Variants in RPL3L observed in about 807,000 individuals in gnomAD.
RPL3L encodes ribosomal protein L3 like.
A neutral mutation model predicts 44.5 loss-of-function variants in RPL3L; 44 were observed. The observed-to-expected ratio is 0.99, with a 90% confidence interval of 0.78 to 1.27. The LOEUF is 1.27. RPL3L is among the 50% of genes most tolerant of loss of function. RPL3L has a pLI of 0.00. For synonymous variants in RPL3L, 292 were observed against 230.7 expected (o/e 1.27, Z -2.41); for missense variants, 631 against 569.1 (o/e 1.11, Z -1.11).
Position 1,947,062 on chromosome 16 carries a change from C to T in RPL3L, c.725G>A (p.Arg242Gln), listed in dbSNP as rs568874974. 407 of 1,613,514 alleles carry T rather than the reference C, an allele frequency of 2.5e-4. 3 individuals are homozygous for T. Among genetic ancestry groups the T allele is most frequent in the South Asian group, 2.2e-3 (198 of 91,086 alleles). Residue 242 changes from arginine to glutamine, a missense_variant, in exon 6 of 10, where the codon CGG becomes CAG. By Grantham distance (43) the Arg-to-Gln change is conservative. Transcript: ENST00000268661. The part of the protein sequence containing the change: ...TSRWHTKKLP[R>Q]KTHKGLRKVA... ...CTTGCGCAGGCCCTTATGGGTCTTCCGCGGCAGCTTCTTGGTATGCCAGCG... is the reference window on the plus strand; with the variant it reads ...CTTGCGCAGGCCCTTATGGGTCTTCTGCGGCAGCTTCTTGGTATGCCAGCG...
chr16:1,953,139 T>A, intron 2 of RPL3L, 97 bp from the exon 3 acceptor site: 1 of 1,327,084 alleles, frequency 7.5e-7, no homozygotes, highest in Non-Finnish European at 1.0e-6. Context: ...GACAGGAGAG[T>A]GTGGGGCCAG....
In RPL3L at chr16:1,950,848, G is replaced by T; in HGVS notation, c.497C>A (p.Thr166Asn). Residue 166 changes from threonine to asparagine, a missense_variant, in exon 4 of 10, where the codon ACT (threonine) becomes AAT (asparagine). Physicochemically the swap from Thr to Asn is moderately conservative, Grantham distance 65. Coordinates refer to ENST00000268661, the MANE Select transcript of RPL3L (RefSeq NM_005061.3). ...AGCGGAGGGCCGGGGGCTGACCTGA[G>T]TGTGGACAATGACCCGAATGACCTT... ...YCKVIRVIVH[T>N]QMKLLPFRQK... The T allele has an allele frequency of 2.5e-6, 4 of 1,614,088 alleles. No individual in the cohort carries two copies. In the South Asian group the frequency reaches 4.4e-5, roughly 18 times the overall value.
intron 9 of RPL3L, 25 bp downstream of exon 9, chr16:1,945,474 A>G: frequency 1.3e-6 from 2 of 1,594,894 alleles, no homozygotes; most frequent in Non-Finnish European, 1.7e-6. Flanking sequence ...CCAGAGAAGA[A>G]CAAGGATGGG....
At chr16:1,950,366 G>A (rs893372319) in intron 4 of RPL3L, among the ~76,000 whole-genome samples, 1 of 151,962 alleles carries the variant, frequency 6.6e-6, no homozygotes, top group East Asian at 1.9e-4. Context: ...GCAGTGTGGG[G>A]GCTGTGGGAA....
Position 1,947,489 on chromosome 16 carries a change from C to T in RPL3L, c.502-109G>A. Reference sequence around the variant, plus strand: ...GCCGCCTTCCACGCATGCATTCATTCACAGGTGTTCCCAGGATCAGGTTGC... The same window carrying T: ...GCCGCCTTCCACGCATGCATTCATTTACAGGTGTTCCCAGGATCAGGTTGC... On this transcript the variant is annotated intron_variant, in intron 4 of 9. Transcript: ENST00000268661. The T allele has an allele frequency of 2.3e-6, 3 of 1,291,146 alleles. No homozygotes were observed. The South Asian group carries it at 4.6e-5, about 20-fold the overall frequency. The allele number at this position is 1,291,146 out of a possible 1,614,324, so 80.0% of individuals were successfully genotyped here.
At chr16:1,949,932 G>C (rs1261500833) in intron 4 of RPL3L, among the ~76,000 whole-genome samples, 1 of 105,974 alleles carries the variant, frequency 9.4e-6, no homozygotes, top group Admixed American at 9.2e-5. Flanking sequence ...GTATGTAAGG[G>C]GCAGGTATGT....
rs376654625 is a variant in RPL3L, at chr16:1,952,892, C to T, written c.347G>A (p.Arg116His). ...TGCTCACCAGTCCTTGTAGAATCGGCGCCGGCACTCATCACTGAGGTGTTC... is the reference window on the plus strand; with the variant it reads ...TGCTCACCAGTCCTTGTAGAATCGGTGCCGGCACTCATCACTGAGGTGTTC... ...FAEHLSDECR[R>H]RFYKDWHKSK... is the part of the protein sequence containing the mutation. Residue 116 changes from arginine (R) to histidine (H), a missense_variant, in exon 3 of 10, where the codon CGC (arginine) becomes CAC (histidine). Transcript: ENST00000268661. 62 of 1,613,772 alleles carry T rather than the reference C, an allele frequency of 3.8e-5. No homozygotes were observed. Among genetic ancestry groups the T allele is most frequent in the Middle Eastern group, 1.6e-4 (1 of 6,080 alleles).
chr16:1,954,196 TAG>T, intron 1 of RPL3L, 48 bp from the exon 2 acceptor site: 1 of 1,479,212 alleles, frequency 6.8e-7, no homozygotes, highest in Non-Finnish European at 9.1e-7. Context: ...TCCCTGGTGG[TAG>T]AGCTGGATGG....
In RPL3L at chr16:1,949,634, G is replaced by C. The variant is rs544349337; in HGVS notation, c.501+1210C>G. The stretch of plus-strand genomic sequence containing the variant: ...GCTGTGCAATGTAGAGGTGGAGACA[G>C]AGAGGCCAGCGGGGAACACATAGTG... On this transcript the variant is annotated intron_variant, in intron 4 of 9. Coordinates refer to ENST00000268661, the MANE Select transcript of RPL3L (RefSeq NM_005061.3). 1.2e-4 allele frequency among the ~76,000 whole-genome samples: 18 copies of C among 148,434 alleles called. 1 individual carries two copies. Among genetic ancestry groups the C allele is most frequent in the African/African-American group, 4.5e-4 (18 of 39,928 alleles).
chr16:1,949,163 G>A (rs1159168091), intron 4 of RPL3L, among the ~76,000 whole-genome samples: 1 of 150,328 alleles, frequency 6.7e-6, no homozygotes, highest in Non-Finnish European at 1.5e-5. Flanking sequence ...TAGAGATGAG[G>A]TCTCGTTAAG....
At position 1,946,244 on chromosome 16, in the gene RPL3L, G is replaced by A. The variant is rs545369675; in HGVS notation, c.952-314C>T. 5.2e-4 allele frequency among the ~76,000 whole-genome samples: 79 copies of A among 152,356 alleles called. 1 individual carries two copies. Among genetic ancestry groups the A allele is most frequent in the Non-Finnish European group, 7.3e-5 (5 of 68,034 alleles). ...TGGAGATGCGGTTTGAGCCCAGGTG[G>A]CCTGACTCCCAGGCCACAGTAGGAG... is the stretch of plus-strand genomic sequence containing the variant. On this transcript the variant is annotated intron_variant, in intron 7 of 9. Transcript: ENST00000268661.
At chr16:1,951,691 A>G (rs1340509381) in intron 3 of RPL3L, among the ~76,000 whole-genome samples, 1 of 151,192 alleles carries the variant, frequency 6.6e-6, no homozygotes, top group Non-Finnish European at 1.5e-5. Flanking sequence ...CAGAAGCCAT[A>G]GTTTCTAACC....
intron 4 of RPL3L, among the ~76,000 whole-genome samples, chr16:1,947,936 G>T (rs1334356061): frequency 6.9e-6 from 1 of 145,280 alleles, no homozygotes; most frequent in African/African-American, 2.6e-5. Flanking sequence ...TGATCTGATT[G>T]GATTTTTTTT....
At chr16:1,953,876 A>G in intron 2 of RPL3L, 80 bp downstream of exon 2, 1 of 1,352,290 alleles carries the variant, frequency 7.4e-7, no homozygotes, top group Non-Finnish European at 9.7e-7. Context: ...CCCTGTCTGG[A>G]CCAAAAGCGT....
At chr16:1,948,278 C>T (rs1220454587) in intron 4 of RPL3L, among the ~76,000 whole-genome samples, 4 of 151,880 alleles carry the variant, frequency 2.6e-5, no homozygotes, top group Non-Finnish European at 4.4e-5. Flanking sequence ...GACTGGAGTA[C>T]AGTGGGGCGA....
intron 4 of RPL3L, among the ~76,000 whole-genome samples, chr16:1,947,581 G>A (rs1597026064): frequency 1.3e-5 from 2 of 152,226 alleles, no homozygotes; most frequent in Admixed American, 6.5e-5. Flanking sequence ...CCCACACCTC[G>A]GGAGCCACCA....
In RPL3L at chr16:1,946,921, C is replaced by A. The variant is rs1247766472; in HGVS notation, c.849+17G>T. ...GTCCGACCACACAGTGTCCCCGTAC[C>A]CCGGCTGAGGACGCACCTTCTTGTT... On this transcript the variant is annotated intron_variant, in intron 6 of 9. Transcript: ENST00000268661. 3.1e-6 allele frequency: 5 copies of A among 1,590,796 alleles called. No homozygotes were observed. The highest frequency in any genetic ancestry group is 1.3e-5 in the African/African-American group (1 of 74,446).
chr16:1,945,434 C>G, intron 9 of RPL3L, 65 bp downstream of exon 9: 1 of 1,555,424 alleles, frequency 6.4e-7, no homozygotes, highest in South Asian at 1.2e-5. Context: ...CAGCTCCCTA[C>G]TCGGGCAGGC....
chr16:1,950,788 G>T (rs2083166561), intron 4 of RPL3L, 56 bp downstream of exon 4: 1 of 1,611,408 alleles, frequency 6.2e-7, no homozygotes, highest in Non-Finnish European at 8.5e-7. Flanking sequence ...CCTGGAAGCT[G>T]GGGTGAGGGA....
Sources: gnomAD v4.1 joint callset for allele counts (sites outside exome capture counted in the v4.1 genomes callset) on GRCh38, gnomAD v4.1.1 for gene constraint, MANE v1.5 for transcripts, NCBI Gene and HGNC (gene_info 2026-07-23, HGNC 2026-07-21) for gene names.